CCDC33: variants seen among roughly 807,000 people sequenced by gnomAD.
CCDC33 encodes coiled-coil domain-containing protein 33.
In CCDC33, 94 loss-of-function variants were observed where a neutral mutation model predicts 91.9. The observed-to-expected ratio is 1.02, with a 90% confidence interval of 0.87 to 1.21. The LOEUF (loss-of-function observed/expected upper bound fraction) is 1.21. Ranked by LOEUF, CCDC33 falls within the 50% of genes most tolerant of loss-of-function variation. The pLI is 0.00. For synonymous variants in CCDC33, 396 were observed against 374.5 expected, an observed-to-expected ratio of 1.06 and a Z score of -0.66; for missense variants, 940 against 935.5, an observed-to-expected ratio of 1.00 and a Z score of -0.06.
Position 74,287,942 on chromosome 15 carries a change from G to A in CCDC33, c.1095+6093G>A, listed in dbSNP as rs562180160. On this transcript the variant is annotated intron_variant, in intron 10 of 18. Coordinates refer to ENST00000398814, the MANE Select transcript of CCDC33 (RefSeq NM_025055.5). ...ACCTCTCCTCCTGCGCTGCCATGAC[G>A]GAGGCTCCTACCTGCTTTCCACAAT... Among the ~76,000 whole-genome samples the A allele has an allele frequency of 9.9e-4, 151 of 152,252 alleles. No individual in the cohort carries two copies. In the Middle Eastern group the frequency reaches 0.014, roughly 14 times the overall value.
downstream of CCDC33, chr15:74,336,361 C>G: frequency 7.4e-7 from 1 of 1,343,236 alleles, no homozygotes; most frequent in Non-Finnish European, 9.8e-7. Context: ...CCCTTCCAGA[C>G]CCGGAGAAGA....
chr15:74,284,107 T>G (rs1269237454), intron 10 of CCDC33, among the ~76,000 whole-genome samples: 2 of 152,218 alleles, frequency 1.3e-5, no homozygotes, highest in South Asian at 2.1e-4. Context: ...GGAGCCTAAG[T>G]ATAAAGTGCT....
At chr15:74,327,991 C>T (rs2060345103) in intron 11 of CCDC33, among the ~76,000 whole-genome samples, 1 of 152,204 alleles carries the variant, frequency 6.6e-6, no homozygotes. Context: ...CAGTGAGCAT[C>T]CCTGCATGCA....
At chr15:74,284,630 C>T (rs2059437038) in intron 10 of CCDC33, among the ~76,000 whole-genome samples, 1 of 152,120 alleles carries the variant, frequency 6.6e-6, no homozygotes, top group African/African-American at 2.4e-5. Flanking sequence ...AGCTTGCATT[C>T]TTAGCAGGGA....
downstream of CCDC33, chr15:74,336,371 A>C (rs1456718821): frequency 2.2e-6 from 3 of 1,334,908 alleles, no homozygotes; most frequent in Admixed American, 6.7e-5. Context: ...CCCGGAGAAG[A>C]AGCAAGGCCA....
chr15:74,296,877 T>G (rs1327230525), intron 11 of CCDC33, among the ~76,000 whole-genome samples: 1 of 152,168 alleles, frequency 6.6e-6, no homozygotes, highest in Non-Finnish European at 1.5e-5. Context: ...TAACCATGGC[T>G]GAATTATTGG....
intron 1 of CCDC33, among the ~76,000 whole-genome samples, chr15:74,240,585 C>A (rs2075315106): frequency 6.6e-6 from 1 of 152,266 alleles, no homozygotes; most frequent in East Asian, 1.9e-4. Flanking sequence ...AGGGCCAGAG[C>A]TGAGCTGAAA....
chr15:74,303,057 A>G (rs1311239050), intron 11 of CCDC33: 1 of 152,300 alleles, frequency 6.6e-6, no homozygotes, highest in Non-Finnish European at 1.5e-5. Flanking sequence ...CAGAGCAGTC[A>G]GACCCGGCCT....
At chr15:74,319,974 C>A (rs2060172996) in intron 11 of CCDC33, among the ~76,000 whole-genome samples, 1 of 152,166 alleles carries the variant, frequency 6.6e-6, no homozygotes, top group Non-Finnish European at 1.5e-5. Context: ...TTTGCCATAA[C>A]CTTGGGCTGA....
Position 74,262,462 on chromosome 15 carries a change from A to G in CCDC33, c.208A>G (p.Asn70Asp), listed in dbSNP as rs1010513923. Residue 70 changes from asparagine to aspartate, a missense_variant, in exon 3 of 19, where the codon AAC becomes GAC. Physicochemically the swap from Asn to Asp is conservative, Grantham distance 23. Coordinates refer to ENST00000398814, the MANE Select transcript of CCDC33 (RefSeq NM_025055.5). ...CAGGAAAAGCACATCTGAGGAAAAGAACAATCAGAGCTCCAAGGCAGTCAC... is the reference window on the plus strand; with the variant it reads ...CAGGAAAAGCACATCTGAGGAAAAGGACAATCAGAGCTCCAAGGCAGTCAC... ...VVVKSTSEEK[N>D]NQSSKAVTSV... 2.5e-6 allele frequency: 4 copies of G among 1,613,986 alleles called. No homozygotes were observed. Among genetic ancestry groups the G allele is most frequent in the South Asian group, 1.1e-5 (1 of 91,070 alleles).
chr15:74,266,492 G>C (rs2076168843), intron 3 of CCDC33, among the ~76,000 whole-genome samples, 186 bp from the exon 4 acceptor site: 1 of 152,220 alleles, frequency 6.6e-6, no homozygotes, highest in Non-Finnish European at 1.5e-5. Context: ...CTGTGCAGGG[G>C]CTCAGACTGT....
rs1555423571 is a variant in CCDC33 at position 74,330,616 on chromosome 15, C to T, written c.1457-47C>T. ...CTGCTACTGACCATGCTGATTTGAG[C>T]TGGGAGAGGCTTCCTCCCTGAGCCA... On this transcript the variant is annotated intron_variant, in intron 12 of 18. Coordinates refer to ENST00000398814, the MANE Select transcript of CCDC33 (RefSeq NM_025055.5). 4.1e-6 allele frequency: 6 copies of T among 1,458,692 alleles called. No homozygotes were observed. In the South Asian group the frequency reaches 6.8e-5, roughly 17 times the overall value. The allele number at this position is 1,458,692 out of a possible 1,614,324, so 90.4% of individuals were successfully genotyped here.
intron 11 of CCDC33, among the ~76,000 whole-genome samples, chr15:74,321,500 G>T (rs2060206051): frequency 6.6e-6 from 1 of 151,994 alleles, no homozygotes; most frequent in Non-Finnish European, 1.5e-5. Context: ...GCTGACCTCA[G>T]GTGATCCACC....
At chr15:74,217,428 C>G (rs1252733232) in exon 1 of CCDC33, 1 of 1,289,682 alleles carries the variant, frequency 7.8e-7, no homozygotes, top group Non-Finnish European at 1.0e-6. Flanking sequence ...AGAGAACCCC[C>G]TGCAGGTGGG....
At chr15:74,266,652 C>G in intron 3 of CCDC33, 26 bp from the exon 4 acceptor site, 1 of 1,513,332 alleles carries the variant, frequency 6.6e-7, no homozygotes, top group Non-Finnish European at 9.2e-7. Flanking sequence ...TAAAAATAAA[C>G]CTGGGCTCAT....
chr15:74,242,650 C>T (rs1207098627), intron 1 of CCDC33, among the ~76,000 whole-genome samples: 2 of 152,100 alleles, frequency 1.3e-5, no homozygotes, highest in Non-Finnish European at 2.9e-5. Context: ...CCTCCTACCA[C>T]GGGAGGCCTA....
chr15:74,243,597 C>G (rs1595925910), intron 1 of CCDC33: 1 of 455,014 alleles, frequency 2.2e-6, no homozygotes, highest in Middle Eastern at 6.9e-4. Flanking sequence ...GGGAGGCAGG[C>G]ACTTGACGGA....
intron 7 of CCDC33, among the ~76,000 whole-genome samples, chr15:74,276,069 G>T (rs1021766328): frequency 2.0e-5 from 3 of 152,204 alleles, no homozygotes; most frequent in African/African-American, 7.2e-5. Flanking sequence ...AGCCAGGATT[G>T]GGTTACATGC....
intron 3 of CCDC33, among the ~76,000 whole-genome samples, chr15:74,265,217 A>G (rs1241998506): frequency 2.6e-5 from 4 of 152,074 alleles, no homozygotes; most frequent in Non-Finnish European, 5.9e-5. Flanking sequence ...CTGAGCCCTC[A>G]AGGGCCAGCT....
Sources: allele counts gnomAD v4.1 joint callset (sites outside exome capture counted in the v4.1 genomes callset), GRCh38; gene constraint gnomAD v4.1.1; transcripts MANE v1.5; gene names NCBI Gene and HGNC (gene_info 2026-07-23, HGNC 2026-07-21).